The following DNAH5 variants were observed in gnomAD, a reference collection of about 807,000 sequenced individuals.
DNAH5 encodes the protein axonemal beta dynein heavy chain 5.
Under a neutral mutation model 518.2 loss-of-function variants are expected in DNAH5, and 372 were observed. The ratio of observed to expected loss-of-function variants is 0.72; its 90% confidence interval spans 0.66 to 0.78. DNAH5 has a LOEUF of 0.78. DNAH5 is among the 30% of genes least tolerant of loss of function. The pLI, the probability that DNAH5 is intolerant of heterozygous loss-of-function variation, is 0.00. For missense variants in DNAH5, 5,523 were observed against 5,687.0 expected (o/e 0.97, Z 0.93); for synonymous variants, 2,039 against 2,025.9 (o/e 1.01, Z -0.17).
chr5:13,693,569 G>A (rs1323489779), intron 78 of DNAH5, among the ~76,000 whole-genome samples: 4 of 152,126 alleles, frequency 2.6e-5, no homozygotes, highest in East Asian at 3.9e-4. Context: ...TTCTACTTAC[G>A]GAGGACATTT....
intron 52 of DNAH5, 57 bp downstream of exon 52, chr5:13,786,122 G>T (rs1395250767): frequency 6.5e-7 from 1 of 1,544,768 alleles, no homozygotes; most frequent in Non-Finnish European, 8.9e-7. Flanking sequence ...GAGGACCATG[G>T]TGTGAAGCCA....
chr5:13,695,036 C>G (rs531041950), intron 78 of DNAH5, among the ~76,000 whole-genome samples: 39 of 152,134 alleles, frequency 2.6e-4, no homozygotes, highest in Non-Finnish European at 4.9e-4. Context: ...AGAATGAAAC[C>G]TAGTCAGAAT....
intron 19 of DNAH5, 95 bp from the exon 20 acceptor site, chr5:13,883,189 G>C: frequency 1.6e-6 from 2 of 1,255,298 alleles, no homozygotes; most frequent in Non-Finnish European, 2.3e-6. Context: ...ATACATAATA[G>C]GTATAAAATC....
intron 1 of DNAH5, among the ~76,000 whole-genome samples, chr5:13,977,541 C>T (rs974654831): frequency 1.3e-4 from 20 of 152,176 alleles, no homozygotes; most frequent in Non-Finnish European, 1.3e-4. Context: ...ACCTTCCTAA[C>T]TTTCCTCCCT....
rs1202002242 is a variant in DNAH5, at chr5:13,786,137, T to G, written c.8820+42A>C. 7 of 1,605,120 alleles carry G rather than the reference T, an allele frequency of 4.4e-6. No individual in the cohort carries two copies. The Admixed American group carries it at 1.2e-4, about 27-fold the overall frequency. On this transcript the variant is annotated intron_variant, in intron 52 of 78. Transcript: ENST00000265104. ...GAGGACCATGGTGTGAAGCCAAATG[T>G]CTGTCACCTCCACAAGGCACTACTC...
At chr5:13,870,114 T>C (rs2151917374) in intron 24 of DNAH5, among the ~76,000 whole-genome samples, 1 of 152,302 alleles carries the variant, frequency 6.6e-6, no homozygotes, top group African/African-American at 2.4e-5. Context: ...TGTGCAACAC[T>C]GATCAAATTA....
intron 1 of DNAH5, among the ~76,000 whole-genome samples, chr5:14,007,836 A>G (rs1784822640): frequency 6.6e-6 from 1 of 152,204 alleles, no homozygotes; most frequent in South Asian, 2.1e-4. Context: ...GGAGAGCTCC[A>G]GCGTCCTAAA....
At chr5:13,783,729 T>A (rs1443298982) in intron 52 of DNAH5, among the ~76,000 whole-genome samples, 2 of 152,198 alleles carry the variant, frequency 1.3e-5, no homozygotes, top group Non-Finnish European at 2.9e-5. Context: ...GAAATAGGCT[T>A]GGTCTCATAT....
At chr5:13,960,399 A>C (rs138347159) in intron 1 of DNAH5, among the ~76,000 whole-genome samples, 2 of 152,282 alleles carry the variant, frequency 1.3e-5, no homozygotes, top group East Asian at 3.9e-4. Context: ...CTTTTTCAGA[A>C]TTCCTAACTC....
intron 38 of DNAH5, among the ~76,000 whole-genome samples, chr5:13,827,835 A>C (rs1763093836): frequency 6.6e-6 from 1 of 152,078 alleles, no homozygotes; most frequent in Non-Finnish European, 1.5e-5. Flanking sequence ...TGCTCTCATG[A>C]TAGTGAGTTC....
chr5:13,902,275 A>C (rs1774733682), intron 12 of DNAH5, 137 bp from the exon 13 acceptor site: 1 of 674,192 alleles, frequency 1.5e-6, no homozygotes, highest in Admixed American at 2.8e-5. Context: ...ATGAGCTTAA[A>C]AGAAAAATAA....
intron 40 of DNAH5, 47 bp from the exon 41 acceptor site, chr5:13,820,546 C>T (rs1371739421): frequency 5.0e-6 from 8 of 1,606,482 alleles, no homozygotes; most frequent in East Asian, 4.5e-5. Flanking sequence ...CAATGATGGC[C>T]GGACACGGTG....
At position 13,844,896 on chromosome 5, in the gene DNAH5, T is replaced by C. The variant is rs1765756588; in HGVS notation, c.5212A>G (p.Ile1738Val). The C allele has an allele frequency of 6.2e-7, 1 of 1,614,068 alleles. No homozygotes were observed. Among genetic ancestry groups the C allele is most frequent in the Admixed American group, 1.7e-5 (1 of 59,996 alleles). The change falls in exon 32 of 79, where the codon ATA (isoleucine) becomes GTA (valine). Residue 1738 changes from isoleucine to valine, a missense_variant. Transcript: ENST00000265104. Reference sequence around the variant, plus strand: ...AACACATTCAGCAAATGGGCCTGTATAGTGTGGGAGTCCGACGCCTGCCCC... The same window carrying C: ...AACACATTCAGCAAATGGGCCTGTACAGTGTGGGAGTCCGACGCCTGCCCC... ...ILGQASDSHTIQAHLLNVFDN... is the reference protein window; with the variant it reads ...ILGQASDSHTVQAHLLNVFDN...
At chr5:13,800,043 T>C (rs1427267573) in intron 47 of DNAH5, among the ~76,000 whole-genome samples, 2 of 152,194 alleles carry the variant, frequency 1.3e-5, no homozygotes, top group Non-Finnish European at 2.9e-5. Context: ...AATCTGGTAG[T>C]GTGCTGAAAA....
chr5:13,920,725 C>G, intron 5 of DNAH5, 108 bp from the exon 6 acceptor site: 1 of 1,178,856 alleles, frequency 8.5e-7, no homozygotes, highest in Non-Finnish European at 1.3e-6. Context: ...CTGGAAAGCC[C>G]ACCAGGTAGC....
At chr5:13,846,260 TAGTTTTCCAATCCTC>T (rs1765993860) in intron 31 of DNAH5, among the ~76,000 whole-genome samples, 1 of 152,090 alleles carries the variant, frequency 6.6e-6, no homozygotes, top group Non-Finnish European at 1.5e-5. Flanking sequence ...ACCTGATAGG[TAGTTTTCCAATCCTC>T]ACCCTCCTGC....
At chr5:13,806,798 T>C (rs1300052490) in intron 47 of DNAH5, among the ~76,000 whole-genome samples, 1 of 152,032 alleles carries the variant, frequency 6.6e-6, no homozygotes, top group African/African-American at 2.4e-5. Flanking sequence ...GTGGTTTCAT[T>C]GGGAAAAAAA....
intron 68 of DNAH5, among the ~76,000 whole-genome samples, chr5:13,734,739 C>T (rs1747115483): frequency 6.6e-6 from 1 of 152,186 alleles, no homozygotes. Flanking sequence ...GAATACCTCA[C>T]TTAAAGCTTG....
At chr5:13,923,772 G>A (rs971416395) in intron 3 of DNAH5, among the ~76,000 whole-genome samples, 12 of 152,162 alleles carry the variant, frequency 7.9e-5, no homozygotes, top group Non-Finnish European at 1.6e-4. Flanking sequence ...GGCTGGGTGC[G>A]GTGGCTCACG....
Sources: allele counts gnomAD v4.1 joint callset (sites outside exome capture counted in the v4.1 genomes callset), GRCh38; gene constraint gnomAD v4.1.1; transcripts MANE v1.5; gene names NCBI Gene and HGNC (gene_info 2026-07-23, HGNC 2026-07-21).